Variants in TTC28 observed in about 807,000 individuals in gnomAD.
The protein encoded by TTC28 is tetratricopeptide repeat protein 28.
In TTC28, 61 loss-of-function variants were observed where a neutral mutation model predicts 198.0. The ratio of observed to expected loss-of-function variants is 0.31; its 90% CI spans 0.25 to 0.38. The LOEUF is 0.38. Ranked by LOEUF, TTC28 falls within the 10% of genes least tolerant of loss-of-function variation. TTC28 has a pLI of 1.00. For missense variants in TTC28, 2,678 were observed against 3,164.0 expected (o/e 0.85, Z 3.69); for synonymous variants, 1,171 against 1,297.8 (o/e 0.90, Z 2.10).
intron 2 of TTC28, among the ~76,000 whole-genome samples, chr22:28,588,531 A>C (rs1192826014): frequency 6.6e-6 from 1 of 152,254 alleles, no homozygotes; most frequent in African/African-American, 2.4e-5. Context: ...GCACTTGATT[A>C]CTGGAAGCAG....
Position 28,418,315 on chromosome 22 carries a change from C to T in TTC28, c.382-111672G>A, listed in dbSNP as rs116155048. On this transcript the variant is annotated intron_variant, in intron 2 of 22. Transcript: ENST00000397906. ...GCTATAACAAATCAAATATACTGCA[C>T]AGTTCAACCCCCAATGACGGCAGTT... Among the ~76,000 whole-genome samples the T allele has an allele frequency of 3.8e-3, 582 of 152,326 alleles. 4 individuals are homozygous for T. Among genetic ancestry groups the T allele is most frequent in the African/African-American group, 0.013 (553 of 41,580 alleles).
intron 2 of TTC28, among the ~76,000 whole-genome samples, chr22:28,441,548 G>T (rs2047622067): frequency 1.3e-5 from 2 of 152,118 alleles, no homozygotes; most frequent in African/African-American, 4.8e-5. Context: ...AAGACACAGG[G>T]TCAGAGGACA....
At chr22:28,294,847 G>A (rs1159136787) in intron 5 of TTC28, among the ~76,000 whole-genome samples, 3 of 152,126 alleles carry the variant, frequency 2.0e-5, no homozygotes, top group East Asian at 3.9e-4. Flanking sequence ...GATTACAGGC[G>A]TGAGCCACCG....
chr22:28,419,931 A>G (rs1413208046), intron 2 of TTC28, among the ~76,000 whole-genome samples: 1 of 152,226 alleles, frequency 6.6e-6, no homozygotes, highest in Non-Finnish European at 1.5e-5. Flanking sequence ...AGATCTTGAA[A>G]TCCATATTAC....
chr22:27,991,401 C>G (rs1937402572), intron 19 of TTC28, among the ~76,000 whole-genome samples: 2 of 152,286 alleles, frequency 1.3e-5, no homozygotes, highest in South Asian at 4.1e-4. Context: ...CTTCCTGATG[C>G]TATTCAACGA....
At chr22:28,348,259 C>T (rs751865843) in intron 2 of TTC28, among the ~76,000 whole-genome samples, 1 of 152,184 alleles carries the variant, frequency 6.6e-6, no homozygotes, top group Non-Finnish European at 1.5e-5. Flanking sequence ...CAGCCATTGC[C>T]CACGTGCATG....
Position 27,981,925 on chromosome 22 carries a change from A to G in TTC28, c.*296T>C, listed in dbSNP as rs1455950014. 3.1e-6 allele frequency: 1 copy of G among 327,702 alleles called. No individual in the cohort carries two copies. Among genetic ancestry groups the G allele is most frequent in the East Asian group, 4.9e-5 (1 of 20,210 alleles). 20.3% of individuals were successfully genotyped at this position (327,702 alleles called of 1,614,324 possible). ...TTGTACAAAATCCTGGTGAAGAATCATATCAAAGATGAGAAGCAGGGAGTT... is the reference window on the plus strand; with the variant it reads ...TTGTACAAAATCCTGGTGAAGAATCGTATCAAAGATGAGAAGCAGGGAGTT... On this transcript the variant is annotated 3_prime_UTR_variant, in exon 23 of 23. Coordinates refer to ENST00000397906, the MANE Select transcript of TTC28 (RefSeq NM_001145418.2).
intron 14 of TTC28, chr22:28,002,811 C>A (rs1396484421): frequency 6.6e-6 from 1 of 152,122 alleles, no homozygotes; most frequent in African/African-American, 2.4e-5. Flanking sequence ...CATGGTGAAA[C>A]TGCATCTCTA....
At chr22:28,021,543 G>A (rs913121303) in intron 13 of TTC28, among the ~76,000 whole-genome samples, 1 of 152,226 alleles carries the variant, frequency 6.6e-6, no homozygotes, top group East Asian at 1.9e-4. Context: ...GAGCTGCAGG[G>A]GGGGAATTCA....
chr22:28,600,919 G>C (rs2050630038), intron 2 of TTC28, among the ~76,000 whole-genome samples: 1 of 152,042 alleles, frequency 6.6e-6, no homozygotes, highest in African/African-American at 2.4e-5. Context: ...TCAGATCACT[G>C]CTTCTGTAAT....
At chr22:28,491,659 G>C (rs1051542651) in intron 2 of TTC28, among the ~76,000 whole-genome samples, 1 of 152,186 alleles carries the variant, frequency 6.6e-6, no homozygotes, top group African/African-American at 2.4e-5. Flanking sequence ...TACACTGTTG[G>C]TGGGACTGTA....
At position 28,095,376 on chromosome 22, in the gene TTC28, T is replaced by C. The variant is rs1263237527; in HGVS notation, c.3766+814A>G. ...AGCTGTCATCCAGCCATCATTTTTT[T>C]TTTTTTTAAATCAAAGGCATAGAAA... On this transcript the variant is annotated intron_variant, in intron 11 of 22. Transcript: ENST00000397906. Among the ~76,000 whole-genome samples, 3 of 152,184 alleles carry C rather than the reference T, an allele frequency of 2.0e-5. No homozygotes were observed. The East Asian group carries it at 5.8e-4, about 29-fold the overall frequency.
chr22:28,053,880 GC>G (rs1940177751), intron 12 of TTC28, among the ~76,000 whole-genome samples: 2 of 152,114 alleles, frequency 1.3e-5, no homozygotes, highest in African/African-American at 4.8e-5. Flanking sequence ...ATCCTTTAGA[GC>G]AAAAAATAAT....
chr22:28,646,256 T>C (rs185177195), intron 1 of TTC28, among the ~76,000 whole-genome samples: 61 of 152,326 alleles, frequency 4.0e-4, no homozygotes, highest in African/African-American at 1.3e-3. Context: ...TGCTATGCAC[T>C]GGCAACAATC....
intron 2 of TTC28, among the ~76,000 whole-genome samples, chr22:28,403,064 C>T (rs2046941810): frequency 6.6e-6 from 1 of 152,198 alleles, no homozygotes; most frequent in African/African-American, 2.4e-5. Flanking sequence ...ATCTCAAAAG[C>T]TAAAGATGTT....
chr22:28,381,314 T>C (rs929982028), intron 2 of TTC28, among the ~76,000 whole-genome samples: 1 of 152,138 alleles, frequency 6.6e-6, no homozygotes, highest in Admixed American at 6.5e-5. Context: ...TACCTGCCCT[T>C]GATTCAGCAG....
At chr22:28,230,069 A>G (rs568790684) in intron 5 of TTC28, among the ~76,000 whole-genome samples, 2 of 152,326 alleles carry the variant, frequency 1.3e-5, no homozygotes, top group Admixed American at 1.3e-4. Context: ...GTTGGAAATG[A>G]AAGAATGGAA....
chr22:28,486,691 C>T (rs773269126), intron 2 of TTC28, among the ~76,000 whole-genome samples: 3 of 152,256 alleles, frequency 2.0e-5, no homozygotes, highest in Non-Finnish European at 4.4e-5. Flanking sequence ...AGAGCAAAGC[C>T]TTTCAAATTA....
Position 28,339,620 on chromosome 22 carries a change from C to T in TTC28, c.382-32977G>A, listed in dbSNP as rs560000343. On this transcript the variant is annotated intron_variant, in intron 2 of 22. Coordinates refer to ENST00000397906, the MANE Select transcript of TTC28 (RefSeq NM_001145418.2). ...CGCCCCTCCCCTAGCCTCGCTGCCG[C>T]CTTGCAGTTTGATCTCAGACTGCTG... is the stretch of plus-strand genomic sequence containing the variant. Among the ~76,000 whole-genome samples the T allele has an allele frequency of 1.4e-4, 22 of 152,300 alleles. No individual in the cohort carries two copies. In the East Asian group the frequency reaches 4.1e-3, roughly 28 times the overall value.
Sources: allele counts gnomAD v4.1 joint callset (sites outside exome capture counted in the v4.1 genomes callset), GRCh38; gene constraint gnomAD v4.1.1; transcripts MANE v1.5; gene names NCBI Gene and HGNC (gene_info 2026-07-23, HGNC 2026-07-21).